METTL2B: variants seen among roughly 807,000 people sequenced by gnomAD.
METTL2B encodes the protein tRNA N(3)-cytidine methyltransferase METTL2B.
In METTL2B, 28 loss-of-function variants were observed where a neutral mutation model predicts 51.0. That is an observed-to-expected ratio of 0.55 (90% CI 0.41 to 0.75). The LOEUF is 0.75. Ranked by LOEUF, METTL2B falls within the 30% of genes least tolerant of loss-of-function variation. The pLI, the probability that METTL2B is intolerant of heterozygous loss-of-function variation, is 0.00. For missense variants in METTL2B, 313 were observed against 460.7 expected, an observed-to-expected ratio of 0.68 and a Z score of 2.93; for synonymous variants, 128 against 166.3, an observed-to-expected ratio of 0.77 and a Z score of 1.77.
At position 128,493,961 on chromosome 7, in the gene METTL2B, A is replaced by G. The variant is rs779961954; in HGVS notation, c.809+18A>G. The G allele has an allele frequency of 6.3e-7, 1 of 1,590,522 alleles. No individual in the cohort carries two copies. Among genetic ancestry groups the G allele is most frequent in the East Asian group, 2.2e-5 (1 of 44,744 alleles). On this transcript the variant is annotated intron_variant, in intron 6 of 8. Coordinates refer to ENST00000262432, the MANE Select transcript of METTL2B (RefSeq NM_018396.3). ...CCAGACAAGTAAGTTTGGGTCCCTT[A>G]GCTGGTAGTGTCACAAAAAGAAAGC...
At chr7:128,500,863 A>C in intron 7 of METTL2B, 40 bp from the exon 8 acceptor site, 1 of 1,609,802 alleles carries the variant, frequency 6.2e-7, no homozygotes, top group Non-Finnish European at 8.5e-7. Flanking sequence ...TCAAAGAGAC[A>C]CTTTAAAGTG....
At chr7:128,499,572 G>A (rs1279088312) in intron 7 of METTL2B, among the ~76,000 whole-genome samples, 9 of 136,160 alleles carry the variant, frequency 6.6e-5, no homozygotes, top group African/African-American at 2.0e-4. Flanking sequence ...AGGCTGAAGC[G>A]CAATGGCACG....
At chr7:128,482,821 A>C (rs1192745222) in intron 4 of METTL2B, among the ~76,000 whole-genome samples, 1 of 152,256 alleles carries the variant, frequency 6.6e-6, no homozygotes, top group Non-Finnish European at 1.5e-5. Flanking sequence ...GGCGTGAGCC[A>C]TGGCTCCTGG....
chr7:128,499,386 C>T (rs573645729), intron 7 of METTL2B, among the ~76,000 whole-genome samples: 1 of 152,094 alleles, frequency 6.6e-6, no homozygotes, highest in Non-Finnish European at 1.5e-5. Flanking sequence ...GAGTTTTGCC[C>T]TTGTTGCCCA....
chr7:128,498,609 A>G (rs1450505986), intron 7 of METTL2B, among the ~76,000 whole-genome samples: 2 of 152,156 alleles, frequency 1.3e-5, no homozygotes, highest in Non-Finnish European at 2.9e-5. Flanking sequence ...ACAGAGTAGT[A>G]TATTTTTTAA....
rs1249810105 is a variant in METTL2B, at chr7:128,505,792, G to T, written c.*3876G>T. 6.6e-6 allele frequency: 1 copy of T among 152,068 alleles called. No homozygotes were observed. The highest frequency in any genetic ancestry group is 1.5e-5 in the Non-Finnish European group (1 of 68,028). 9.4% of individuals were successfully genotyped at this position (152,068 alleles called of 1,614,324 possible). A position where few individuals can be genotyped will look rare whatever the true frequency, so the allele number is the denominator to read the frequency against. Reference sequence around the variant, plus strand: ...AAGCTTTCTCATATCTGATTTACTTGTCTCAATATGGACCCATGGGTATTT... The same window carrying T: ...AAGCTTTCTCATATCTGATTTACTTTTCTCAATATGGACCCATGGGTATTT... On this transcript the variant is annotated 3_prime_UTR_variant, in exon 9 of 9. Coordinates refer to ENST00000262432, the MANE Select transcript of METTL2B (RefSeq NM_018396.3).
intron 4 of METTL2B, among the ~76,000 whole-genome samples, chr7:128,486,110 A>G (rs888804278): frequency 4.6e-5 from 7 of 152,138 alleles, no homozygotes; most frequent in African/African-American, 7.2e-5. Context: ...CCTGGCCAAC[A>G]TGGCGAAACC....
chr7:128,493,740 A>T lies in METTL2B; in HGVS notation c.670-64A>T, dbSNP rs554287655. 8.4e-5 allele frequency: 129 copies of T among 1,533,886 alleles called. No homozygotes were observed. In the East Asian group the frequency reaches 3.0e-3, roughly 35 times the overall value. ...AGTTACATTTAAAATTTAAAACAAG[A>T]TAATCTTTTCTTTGGGCTATGTTAA... On this transcript the variant is annotated intron_variant, in intron 5 of 8. Coordinates refer to ENST00000262432, the MANE Select transcript of METTL2B (RefSeq NM_018396.3).
At chr7:128,479,041 C>G in intron 2 of METTL2B, 117 bp from the exon 3 acceptor site, 1 of 1,119,238 alleles carries the variant, frequency 8.9e-7, no homozygotes, top group Non-Finnish European at 1.3e-6. Context: ...GACTGTGGCT[C>G]TACCTGAGGA....
At chr7:128,491,082 G>A (rs905752219) in intron 5 of METTL2B, among the ~76,000 whole-genome samples, 2 of 150,732 alleles carry the variant, frequency 1.3e-5, no homozygotes, top group African/African-American at 4.9e-5. Flanking sequence ...TTGAACCCAG[G>A]AGGCAGAGGT....
At chr7:128,489,105 C>T (rs1792775831) in intron 5 of METTL2B, among the ~76,000 whole-genome samples, 1 of 151,734 alleles carries the variant, frequency 6.6e-6, no homozygotes, top group Admixed American at 6.6e-5. Context: ...CAGAGCGAGA[C>T]TCCATCTCAA....
chr7:128,485,081 A>C (rs1265775400), intron 4 of METTL2B, among the ~76,000 whole-genome samples: 1 of 152,170 alleles, frequency 6.6e-6, no homozygotes, highest in Non-Finnish European at 1.5e-5. Context: ...TCTTGGGCTA[A>C]TTTTAAGTAT....
chr7:128,480,764 TC>T, intron 4 of METTL2B, 68 bp downstream of exon 4: 2 of 1,454,082 alleles, frequency 1.4e-6, no homozygotes, highest in Non-Finnish European at 1.9e-6. Context: ...GCGCATTGCT[TC>T]ACGACAGTAA....
At position 128,502,010 on chromosome 7, in the gene METTL2B, T is replaced by A; in HGVS notation, c.*94T>A. 6.5e-7 allele frequency: 1 copy of A among 1,537,852 alleles called. No individual in the cohort carries two copies. Among genetic ancestry groups the A allele is most frequent in the South Asian group, 1.3e-5 (1 of 78,976 alleles). On this transcript the variant is annotated 3_prime_UTR_variant, in exon 9 of 9. Coordinates refer to ENST00000262432, the MANE Select transcript of METTL2B (RefSeq NM_018396.3). ...CACCGGGCATGGTGCATGCCTGTAA[T>A]CCCAGCCACTCAGGAGGCTGAGGCA...
At chr7:128,480,959 ATTGTT>A (rs1799865349) in intron 4 of METTL2B, among the ~76,000 whole-genome samples, 1 of 152,256 alleles carries the variant, frequency 6.6e-6, no homozygotes, top group Admixed American at 6.5e-5. Flanking sequence ...TCATTTATGG[ATTGTT>A]TTAATTTGAT....
rs1027287271 is a variant in METTL2B, at chr7:128,506,216, A to T, written c.*4300A>T. The T allele has an allele frequency of 6.6e-6, 1 of 152,208 alleles. No homozygotes were observed. The highest frequency in any genetic ancestry group is 6.6e-5 in the Admixed American group (1 of 15,266). 9.4% of individuals were successfully genotyped at this position (152,208 alleles called of 1,614,324 possible). ...ATTTACTTAAAACTGGAAAAAACTG[A>T]ATCACTGGGATGGTATTTCATTTAT... is the stretch of plus-strand genomic sequence containing the variant. On this transcript the variant is annotated 3_prime_UTR_variant, in exon 9 of 9. Transcript: ENST00000262432.
chr7:128,490,610 G>T (rs188754410), intron 5 of METTL2B, among the ~76,000 whole-genome samples: 1 of 152,076 alleles, frequency 6.6e-6, no homozygotes, highest in Non-Finnish European at 1.5e-5. Context: ...TTGCATACCA[G>T]TTTTCTCTAG....
chr7:128,484,894 TTTAAG>T, intron 4 of METTL2B, among the ~76,000 whole-genome samples: 1 of 152,208 alleles, frequency 6.6e-6, no homozygotes, highest in East Asian at 1.9e-4. Context: ...ATACAGTGGT[TTTAAG>T]TTAATTCACA....
chr7:128,495,230 T>C (rs1792904739), intron 6 of METTL2B, among the ~76,000 whole-genome samples: 1 of 152,140 alleles, frequency 6.6e-6, no homozygotes, highest in African/African-American at 2.4e-5. Flanking sequence ...CTATTGGCCT[T>C]TTAAATGCTT....
Sources: gnomAD v4.1 joint callset for allele counts (sites outside exome capture counted in the v4.1 genomes callset) on GRCh38, gnomAD v4.1.1 for gene constraint, MANE v1.5 for transcripts, NCBI Gene and HGNC (gene_info 2026-07-23, HGNC 2026-07-21) for gene names.